KCNMA1: variants seen among roughly 807,000 people sequenced by gnomAD.
KCNMA1 encodes potassium calcium-activated channel subfamily M alpha 1, also known as Calcium-activated potassium channel subunit alpha-1.
Under a neutral mutation model 140.0 loss-of-function variants are expected in KCNMA1, and 29 were observed. The ratio of observed to expected loss-of-function variants is 0.21; its 90% CI spans 0.15 to 0.28. The LOEUF is 0.28. Among genes scored for constraint, KCNMA1 ranks in the 10% least tolerant of loss-of-function variants. The pLI is 1.00. For synonymous variants in KCNMA1, 612 were observed against 611.9 expected, an observed-to-expected ratio of 1.00 and a Z score of 0.00; for missense variants, 880 against 1,602.2, an observed-to-expected ratio of 0.55 and a Z score of 7.70.
chr10:77,015,896 C>T (rs754729500), intron 17 of KCNMA1, among the ~76,000 whole-genome samples: 5 of 152,178 alleles, frequency 3.3e-5, no homozygotes, highest in Non-Finnish European at 7.3e-5. Context: ...CTCACCTAAA[C>T]TATGCAATAG....
intron 14 of KCNMA1, among the ~76,000 whole-genome samples, chr10:77,068,819 T>C (rs1186768766): frequency 1.6e-5 from 2 of 125,326 alleles, no homozygotes; most frequent in African/African-American, 6.1e-5. Flanking sequence ...CAATGTACAT[T>C]GAAAAACAAT....
intron 9 of KCNMA1, among the ~76,000 whole-genome samples, chr10:77,094,755 C>T (rs1188013909): frequency 1.3e-5 from 2 of 151,942 alleles, no homozygotes; most frequent in African/African-American, 4.8e-5. Flanking sequence ...GGCTGGAGTA[C>T]AGTGGCTCAA....
chr10:77,577,810 TC>T (rs2074683306), intron 1 of KCNMA1, among the ~76,000 whole-genome samples: 1 of 152,138 alleles, frequency 6.6e-6, no homozygotes, highest in African/African-American at 2.4e-5. Flanking sequence ...CCCTGCCCCC[TC>T]CACAGTTCAC....
chr10:77,326,352 G>T (rs1163155196), intron 2 of KCNMA1, among the ~76,000 whole-genome samples: 1 of 152,152 alleles, frequency 6.6e-6, no homozygotes, highest in Non-Finnish European at 1.5e-5. Flanking sequence ...ATAACGGTAG[G>T]CTTTGTAATA....
At chr10:77,528,643 A>G (rs2056662243) in intron 1 of KCNMA1, among the ~76,000 whole-genome samples, 2 of 142,920 alleles carry the variant, frequency 1.4e-5, no homozygotes, top group South Asian at 4.7e-4. Context: ...AGATACCAAC[A>G]AAAGCTCGTA....
intron 1 of KCNMA1, among the ~76,000 whole-genome samples, chr10:77,473,358 G>A (rs1375652450): frequency 6.6e-6 from 1 of 152,204 alleles, no homozygotes; most frequent in African/African-American, 2.4e-5. Context: ...ATTATCTCCT[G>A]AGGGGGGCTG....
At chr10:77,216,187 G>T (rs1246106030) in intron 3 of KCNMA1, among the ~76,000 whole-genome samples, 1 of 152,096 alleles carries the variant, frequency 6.6e-6, no homozygotes, top group Non-Finnish European at 1.5e-5. Context: ...GAAGACTGGG[G>T]GACTGGGAGA....
intron 1 of KCNMA1, among the ~76,000 whole-genome samples, chr10:77,581,650 T>C (rs540408211): frequency 1.1e-4 from 16 of 152,214 alleles, no homozygotes; most frequent in Non-Finnish European, 1.9e-4. Context: ...GTTGGTGGCC[T>C]GGGCCCACCC....
intron 1 of KCNMA1, among the ~76,000 whole-genome samples, chr10:77,572,569 C>CATATGTATATATATATATATAT: frequency 2.7e-5 from 1 of 37,568 alleles, no homozygotes; most frequent in Non-Finnish European, 4.7e-5. Context: ...AAAAAAAATC[C>CATATGTATATATATATATATAT]ATATATATAT....
rs558728426 is a variant in KCNMA1, at chr10:77,230,855, C to G, written c.602+20340G>C. Among the ~76,000 whole-genome samples the G allele has an allele frequency of 7.2e-5, 11 of 152,212 alleles. No individual in the cohort carries two copies. In the South Asian group the frequency reaches 2.3e-3, roughly 32 times the overall value. On this transcript the variant is annotated intron_variant, in intron 3 of 27. Transcript: ENST00000286628. Reference sequence around the variant, plus strand: ...CAAAGAATTCAGCATCATGAAACACCCTTAGCTCTATCAATAGAGAAATTT... The same window carrying G: ...CAAAGAATTCAGCATCATGAAACACGCTTAGCTCTATCAATAGAGAAATTT...
chr10:77,271,314 C>T (rs1392372142), intron 2 of KCNMA1, among the ~76,000 whole-genome samples: 1 of 152,136 alleles, frequency 6.6e-6, no homozygotes. Context: ...GGTGGAAAGT[C>T]CTTAGATCCC....
At chr10:77,158,524 G>T (rs886566704) in intron 5 of KCNMA1, among the ~76,000 whole-genome samples, 1 of 151,952 alleles carries the variant, frequency 6.6e-6, no homozygotes, top group Non-Finnish European at 1.5e-5. Context: ...GTGTGAATCT[G>T]ATATTCCCCA....
At chr10:76,992,219 G>A (rs1019302123) in intron 19 of KCNMA1, among the ~76,000 whole-genome samples, 1 of 152,144 alleles carries the variant, frequency 6.6e-6, no homozygotes, top group Non-Finnish European at 1.5e-5. Context: ...AAATGAGATG[G>A]TCTGAGAAGA....
chr10:77,120,051 G>T (rs1479447020), intron 6 of KCNMA1, among the ~76,000 whole-genome samples: 2 of 152,152 alleles, frequency 1.3e-5, no homozygotes. Context: ...CAAAACTACA[G>T]ATATATTAAT....
At chr10:77,126,027 C>T (rs182786871) in intron 5 of KCNMA1, among the ~76,000 whole-genome samples, 3 of 152,322 alleles carry the variant, frequency 2.0e-5, no homozygotes, top group East Asian at 1.9e-4. Context: ...CAGAAGACTA[C>T]AGACAGCGAC....
chr10:77,368,156 A>G (rs760584377), intron 2 of KCNMA1, among the ~76,000 whole-genome samples: 9 of 152,240 alleles, frequency 5.9e-5, no homozygotes, highest in African/African-American at 7.2e-5. Flanking sequence ...TTGCATTCCC[A>G]TTAGTAATGT....
chr10:77,425,287 T>G (rs2154490131), intron 1 of KCNMA1, among the ~76,000 whole-genome samples: 1 of 152,342 alleles, frequency 6.6e-6, no homozygotes, highest in East Asian at 1.9e-4. Flanking sequence ...TTTTCTCTTT[T>G]GGGGGAAGTT....
chr10:77,164,358 G>T (rs2098608484), intron 5 of KCNMA1, among the ~76,000 whole-genome samples: 1 of 152,158 alleles, frequency 6.6e-6, no homozygotes, highest in South Asian at 2.1e-4. Flanking sequence ...AGATGACCTT[G>T]ACTTCATAAA....
chr10:77,039,492 T>C (rs1384317723), intron 15 of KCNMA1, 36 bp downstream of exon 15: 1 of 1,266,106 alleles, frequency 7.9e-7, no homozygotes, highest in Non-Finnish European at 1.2e-6. Flanking sequence ...TCAATATCCC[T>C]GAAAGCCAAA....
Sources: gnomAD v4.1 joint callset for allele counts (sites outside exome capture counted in the v4.1 genomes callset) on GRCh38, gnomAD v4.1.1 for gene constraint, MANE v1.5 for transcripts, NCBI Gene and HGNC (gene_info 2026-07-23, HGNC 2026-07-21) for gene names.